TTC34: variants seen among roughly 807,000 people sequenced by gnomAD.
TTC34 encodes tetratricopeptide repeat domain 34.
Under a neutral mutation model 40.7 loss-of-function variants are expected in TTC34, and 44 were observed. That is an observed-to-expected ratio of 1.08 (90% CI 0.85 to 1.39). TTC34 has a LOEUF of 1.39. TTC34 is among the 40% of genes most tolerant of loss of function. The pLI is 0.00. For missense variants in TTC34, 884 were observed against 838.0 expected (o/e 1.05, Z -0.68); for synonymous variants, 422 against 398.6 (o/e 1.06, Z -0.70).
At chr1:2,751,769 C>G (rs1368095778) in intron 6 of TTC34, among the ~76,000 whole-genome samples, 8,308 of 39,818 alleles carry the variant, frequency 0.21, 49 homozygotes, top group African/African-American at 0.27. Context: ...CACCCCACAC[C>G]CACAGGTGAG....
In TTC34 at chr1:2,750,781, C is replaced by G. The variant is rs1339762067; in HGVS notation, c.2226+32828G>C. Among the ~76,000 whole-genome samples the G allele has an allele frequency of 2.7e-5, 3 of 111,534 alleles. 1 individual carries two copies. The highest frequency in any genetic ancestry group is 5.3e-5 in the Non-Finnish European group (3 of 56,788). The allele number at this position is 111,534 out of a possible 152,430, so 73.2% of individuals were successfully genotyped here. On this transcript the variant is annotated intron_variant, in intron 6 of 8. Coordinates refer to ENST00000401095, the Ensembl canonical transcript of TTC34. ...AGCACGCATAAACACAGGTGAACAT[C>G]GGAGAGTCTGGAGCAGCGCCCACAC...
rs368649461 is a variant in TTC34 at position 2,643,093 on chromosome 1, A to G, written c.2712+1171T>C. The stretch of plus-strand genomic sequence containing the variant: ...CCGGGTCCATGGCAGCAGGAGGGCG[A>G]GGCCCCGAGCAGCTGTCGGACCCCG... On this transcript the variant is annotated intron_variant, in intron 8 of 8. Coordinates refer to ENST00000401095, the Ensembl canonical transcript of TTC34. Among the ~76,000 whole-genome samples, 50 of 152,226 alleles carry G rather than the reference A, an allele frequency of 3.3e-4. 1 individual carries two copies. In the East Asian group the frequency reaches 5.1e-3, roughly 15 times the overall value.
At chr1:2,782,608 T>C (rs188927332) in intron 6 of TTC34, among the ~76,000 whole-genome samples, 1 of 152,344 alleles carries the variant, frequency 6.6e-6, no homozygotes, top group African/African-American at 2.4e-5. Flanking sequence ...TGTTTTTTAA[T>C]GGAAGCATTT....
Position 2,688,555 on chromosome 1 carries a change from G to A in TTC34, c.2227-42992C>T, listed in dbSNP as rs571082225. On this transcript the variant is annotated intron_variant, in intron 6 of 8. Transcript: ENST00000401095. ...CCCACAGGCGAGCACCTGAACCCACGGAGCAGCACCCACACCTTCCGGCGC... is the reference window on the plus strand; with the variant it reads ...CCCACAGGCGAGCACCTGAACCCACAGAGCAGCACCCACACCTTCCGGCGC... Among the ~76,000 whole-genome samples the A allele has an allele frequency of 4.1e-4, 59 of 143,430 alleles. 6 individuals carry two copies. The highest frequency in any genetic ancestry group is 1.6e-3 in the African/African-American group (54 of 34,712). 94.1% of individuals were successfully genotyped at this position (143,430 alleles called of 152,430 possible). A position where few individuals can be genotyped will look rare whatever the true frequency, so the allele number is the denominator to read the frequency against.
exon 9 of TTC34, chr1:2,637,502 G>C (rs188599611): frequency 2.6e-5 from 4 of 152,362 alleles, no homozygotes; most frequent in African/African-American, 9.6e-5. Flanking sequence ...CTGGCCAGTG[G>C]GAAGGGGAGG....
rs1399968249 is a variant in TTC34 at position 2,752,301 on chromosome 1, G to A, written c.2226+31308C>T. On this transcript the variant is annotated intron_variant, in intron 6 of 8. Transcript: ENST00000401095. ...AACAGCACCTTGCACCCCCAGGGGA[G>A]CATCTGACAGCCTGGAACAGCACGC... Among the ~76,000 whole-genome samples, 3 of 118,104 alleles carry A rather than the reference G, an allele frequency of 2.5e-5. 1 individual carries two copies. Among genetic ancestry groups the A allele is most frequent in the Admixed American group, 1.7e-4 (2 of 11,442 alleles). 77.5% of individuals were successfully genotyped at this position (118,104 alleles called of 152,430 possible). A position where few individuals can be genotyped will look rare whatever the true frequency, so the allele number is the denominator to read the frequency against.
intron 6 of TTC34, among the ~76,000 whole-genome samples, chr1:2,655,123 A>T (rs34655824): frequency 1.5e-4 from 16 of 106,288 alleles, no homozygotes; most frequent in East Asian, 3.5e-4. Flanking sequence ...AGCCTGGAAC[A>T]GCACCGACAC....
chr1:2,640,093 A>C (rs762744369), exon 9 of TTC34: 5 of 152,412 alleles, frequency 3.3e-5, no homozygotes, highest in Non-Finnish European at 4.4e-5. Flanking sequence ...GCGGCAGAGA[A>C]GGGGACAGAA....
chr1:2,756,511 AG>A (rs1641511134), intron 6 of TTC34, among the ~76,000 whole-genome samples: 26 of 8,160 alleles, frequency 3.2e-3, no homozygotes, highest in African/African-American at 0.014. Flanking sequence ...CCTGCACCCC[AG>A]GGTGAGGATC....
At chr1:2,688,213 A>G (rs1256370975) in intron 6 of TTC34, among the ~76,000 whole-genome samples, 4 of 74,504 alleles carry the variant, frequency 5.4e-5, no homozygotes, top group African/African-American at 3.1e-4. Context: ...CCACACCCCC[A>G]GGGGAGCATC....
intron 6 of TTC34, among the ~76,000 whole-genome samples, chr1:2,685,077 A>G (rs1444408794): frequency 7.5e-6 from 1 of 133,618 alleles, no homozygotes; most frequent in Non-Finnish European, 1.5e-5. Context: ...AGCAGCCTGC[A>G]CCCCCAGGTG....
At position 2,683,312 on chromosome 1, in the gene TTC34, C is replaced by T. The variant is rs1386631765; in HGVS notation, c.2227-37749G>A. On this transcript the variant is annotated intron_variant, in intron 6 of 8. Transcript: ENST00000401095. ...GACAGCCTGGAACAGAATCCACACCCCCAGGTGAGCATCTGACAGACTGGA... is the reference window on the plus strand; with the variant it reads ...GACAGCCTGGAACAGAATCCACACCTCCAGGTGAGCATCTGACAGACTGGA... 1.0e-3 allele frequency among the ~76,000 whole-genome samples: 150 copies of T among 146,798 alleles called. 1 individual carries two copies. Among genetic ancestry groups the T allele is most frequent in the Non-Finnish European group, 1.6e-3 (102 of 64,700 alleles).
At chr1:2,785,732 T>A in intron 5 of TTC34, 87 bp downstream of exon 5, 1 of 1,420,176 alleles carries the variant, frequency 7.0e-7, no homozygotes, top group Non-Finnish European at 9.4e-7. Context: ...AGCATGCGTG[T>A]CCCCACCAAC....
At chr1:2,753,376 C>T (rs1389883987) in intron 6 of TTC34, among the ~76,000 whole-genome samples, 4 of 111,530 alleles carry the variant, frequency 3.6e-5, no homozygotes, top group African/African-American at 1.6e-4. Flanking sequence ...GCACCCACAC[C>T]CCCAGGCGAG....
At chr1:2,685,262 G>T (rs1570810373) in intron 6 of TTC34, among the ~76,000 whole-genome samples, 1 of 96,056 alleles carries the variant, frequency 1.0e-5, no homozygotes, top group African/African-American at 4.7e-5. Context: ...CTGAGAGCCT[G>T]GAACAGCACC....
intron 6 of TTC34, among the ~76,000 whole-genome samples, chr1:2,685,018 G>T (rs1382285538): frequency 1.4e-5 from 2 of 144,194 alleles, no homozygotes; most frequent in Non-Finnish European, 3.0e-5. Flanking sequence ...GCATCTGACA[G>T]CATGTAACAG....
At chr1:2,695,007 CT>C (rs1640794964) in intron 6 of TTC34, among the ~76,000 whole-genome samples, 2 of 152,190 alleles carry the variant, frequency 1.3e-5, no homozygotes, top group East Asian at 3.9e-4. Flanking sequence ...AGGTGAGGAT[CT>C]GACAGCCTGG....
At chr1:2,686,485 AGCTGAG>A (rs1640354802) in intron 6 of TTC34, among the ~76,000 whole-genome samples, 1 of 93,948 alleles carries the variant, frequency 1.1e-5, no homozygotes, top group African/African-American at 5.0e-5. Context: ...CCACATGCCC[AGCTGAG>A]CCTGTGACAG....
chr1:2,686,797 C>T (rs1570815526), intron 6 of TTC34, among the ~76,000 whole-genome samples: 1 of 144,090 alleles, frequency 6.9e-6, no homozygotes, highest in African/African-American at 2.7e-5. Flanking sequence ...GGATCAGCAC[C>T]CACACCCCCA....
Sources: allele counts gnomAD v4.1 joint callset (sites outside exome capture counted in the v4.1 genomes callset), GRCh38; gene constraint gnomAD v4.1.1; transcripts MANE v1.5; gene names NCBI Gene and HGNC (gene_info 2026-07-23, HGNC 2026-07-21).